Variants in EYA4 observed in about 807,000 individuals in gnomAD.
EYA4 encodes the protein protein phosphatase EYA4.
A neutral mutation model predicts 87.9 loss-of-function variants in EYA4; 31 were observed. That is an observed-to-expected ratio of 0.35 (90% CI 0.27 to 0.48). The LOEUF is 0.48. Among genes scored for constraint, EYA4 ranks in the 20% least tolerant of loss-of-function variants. EYA4 has a pLI of 0.99. For missense variants in EYA4, 678 were observed against 761.4 expected (o/e 0.89, Z 1.29); for synonymous variants, 263 against 270.6 (o/e 0.97, Z 0.28).
chr6:133,350,129 AG>A (rs1164761557), intron 2 of EYA4, among the ~76,000 whole-genome samples: 1 of 152,046 alleles, frequency 6.6e-6, no homozygotes, highest in African/African-American at 2.4e-5. Flanking sequence ...CATTCTGATA[AG>A]GGCCTGATCT....
At chr6:133,336,859 AT>A (rs200277927) in intron 2 of EYA4, among the ~76,000 whole-genome samples, 1 of 152,238 alleles carries the variant, frequency 6.6e-6, no homozygotes, top group Admixed American at 6.5e-5. Flanking sequence ...TAATCTTTCA[AT>A]TTTTTTGCAT....
intron 3 of EYA4, among the ~76,000 whole-genome samples, chr6:133,387,272 T>G (rs1449880683): frequency 6.6e-6 from 1 of 152,228 alleles, no homozygotes; most frequent in Non-Finnish European, 1.5e-5. Context: ...ACTGAAATGT[T>G]TATCTGCATA....
At chr6:133,285,493 C>T (rs1339835582) in intron 2 of EYA4, among the ~76,000 whole-genome samples, 2 of 152,146 alleles carry the variant, frequency 1.3e-5, no homozygotes, top group Non-Finnish European at 2.9e-5. Flanking sequence ...AGGTAATCAG[C>T]ATGGGCATGT....
intron 3 of EYA4, among the ~76,000 whole-genome samples, chr6:133,383,517 C>CAAA (rs768724484): frequency 0.052 from 2,358 of 45,102 alleles, 534 homozygotes; most frequent in African/African-American, 0.15. Flanking sequence ...GACTCCATCT[C>CAAA]AAAAAAAAAA....
intron 2 of EYA4, among the ~76,000 whole-genome samples, chr6:133,295,537 T>C (rs1378523386): frequency 1.3e-5 from 2 of 152,202 alleles, no homozygotes; most frequent in African/African-American, 2.4e-5. Context: ...TAAACCACAG[T>C]GATTATATAT....
intron 2 of EYA4, among the ~76,000 whole-genome samples, chr6:133,300,656 A>C (rs1779334942): frequency 6.6e-6 from 1 of 152,130 alleles, no homozygotes; most frequent in Non-Finnish European, 1.5e-5. Context: ...GTGGGACTAC[A>C]GGCGTGTGCT....
chr6:133,488,781 C>T (rs1211396463), intron 13 of EYA4, among the ~76,000 whole-genome samples: 1 of 152,076 alleles, frequency 6.6e-6, no homozygotes, highest in Non-Finnish European at 1.5e-5. Flanking sequence ...CCTCAAAAGC[C>T]TTCCCAAAAA....
chr6:133,337,627 T>C (rs1369068613), intron 2 of EYA4, among the ~76,000 whole-genome samples: 2 of 152,206 alleles, frequency 1.3e-5, no homozygotes, highest in Non-Finnish European at 2.9e-5. Flanking sequence ...GAAAGTACTG[T>C]AGTACATTAA....
intron 2 of EYA4, among the ~76,000 whole-genome samples, chr6:133,367,639 C>G (rs1784952533): frequency 6.6e-6 from 1 of 152,118 alleles, no homozygotes; most frequent in African/African-American, 2.4e-5. Flanking sequence ...CTCAAAAGCA[C>G]TGTATAGAGG....
chr6:133,498,090 A>T (rs1797784720), intron 13 of EYA4, among the ~76,000 whole-genome samples: 1 of 152,240 alleles, frequency 6.6e-6, no homozygotes, highest in Admixed American at 6.5e-5. Flanking sequence ...ATTTTAAATG[A>T]TAGGCTAGTC....
chr6:133,477,053 G>T (rs938714875), intron 11 of EYA4, among the ~76,000 whole-genome samples: 1 of 151,976 alleles, frequency 6.6e-6, no homozygotes, highest in African/African-American at 2.4e-5. Flanking sequence ...CTGCCACCTT[G>T]TGAAGAAGGT....
chr6:133,486,903 A>G (rs186070852), intron 13 of EYA4, among the ~76,000 whole-genome samples: 9 of 152,360 alleles, frequency 5.9e-5, no homozygotes, highest in East Asian at 3.9e-4. Flanking sequence ...ACACAACACA[A>G]CCACCTTCAT....
At chr6:133,512,238 A>C (rs1799215929) in intron 14 of EYA4, among the ~76,000 whole-genome samples, 1 of 152,114 alleles carries the variant, frequency 6.6e-6, no homozygotes, top group South Asian at 2.1e-4. Flanking sequence ...TCCAGCAGGA[A>C]GTCATGGAAA....
chr6:133,338,684 A>T (rs1372373636), intron 2 of EYA4, among the ~76,000 whole-genome samples: 1 of 152,186 alleles, frequency 6.6e-6, no homozygotes, highest in East Asian at 1.9e-4. Context: ...ATTTAAAATA[A>T]TTTCTAAGGA....
chr6:133,379,313 G>A (rs1785972940), intron 2 of EYA4, among the ~76,000 whole-genome samples: 1 of 151,984 alleles, frequency 6.6e-6, no homozygotes, highest in Non-Finnish European at 1.5e-5. Context: ...TTCTTATATA[G>A]CATATATGGG....
intron 2 of EYA4, among the ~76,000 whole-genome samples, chr6:133,373,112 A>G (rs1785404100): frequency 1.3e-5 from 2 of 152,098 alleles, no homozygotes; most frequent in South Asian, 4.1e-4. Context: ...TAATAGGTAA[A>G]TGATGGTGTA....
chr6:133,493,732 C>G (rs1260500278), intron 13 of EYA4, among the ~76,000 whole-genome samples: 1 of 152,008 alleles, frequency 6.6e-6, no homozygotes, highest in Admixed American at 6.5e-5. Context: ...ACAAGGAGCT[C>G]AACTCAATAG....
At chr6:133,441,747 G>T (rs915362065) in intron 3 of EYA4, among the ~76,000 whole-genome samples, 13 of 151,918 alleles carry the variant, frequency 8.6e-5, no homozygotes, top group Non-Finnish European at 1.5e-5. Flanking sequence ...ATCAGAATGA[G>T]CCAGGGTGAA....
intron 9 of EYA4, among the ~76,000 whole-genome samples, 199 bp from the exon 10 acceptor site, chr6:133,464,580 G>A (rs1794683036): frequency 6.6e-6 from 1 of 152,104 alleles, no homozygotes; most frequent in Non-Finnish European, 1.5e-5. Context: ...TAGCTCAACA[G>A]ATTCAATAGG....
Sources: allele counts gnomAD v4.1 joint callset (sites outside exome capture counted in the v4.1 genomes callset), GRCh38; gene constraint gnomAD v4.1.1; transcripts MANE v1.5; gene names NCBI Gene and HGNC (gene_info 2026-07-23, HGNC 2026-07-21).